CMYA5: variants seen among roughly 807,000 people sequenced by gnomAD.
CMYA5 encodes the protein cardiomyopathy-associated protein 5.
CMYA5 carries 246 observed loss-of-function variants against 318.9 expected under a neutral mutation model. That is an observed-to-expected ratio of 0.77 (90% confidence interval 0.70 to 0.86). CMYA5 has a LOEUF of 0.86. CMYA5 is among the 40% of genes least tolerant of loss of function. The pLI, the probability that CMYA5 is intolerant of heterozygous loss-of-function variation, is 0.00. For synonymous variants in CMYA5, 1,641 were observed against 1,729.5 expected, an observed-to-expected ratio of 0.95 and a Z score of 1.27; for missense variants, 4,589 against 4,678.2, an observed-to-expected ratio of 0.98 and a Z score of 0.56.
At chr5:79,762,024 A>T in intron 8 of CMYA5, 67 bp downstream of exon 8, 5 of 1,498,778 alleles carry the variant, frequency 3.3e-6, no homozygotes, top group Non-Finnish European at 4.5e-6. Context: ...TCTTGAGATC[A>T]GCCAGTAAGT....
chr5:79,799,864 CTAAATT>C lies in CMYA5; in HGVS notation c.*249_*254del. 5.0e-6 allele frequency: 1 copy of C among 199,850 alleles called. No homozygotes were observed. The highest frequency in any genetic ancestry group is 9.2e-6 in the Non-Finnish European group (1 of 108,244). The allele number at this position is 199,850 out of a possible 1,614,324, so 12.4% of individuals were successfully genotyped here. A position where few individuals can be genotyped will look rare whatever the true frequency, so the allele number is the denominator to read the frequency against. On this transcript the variant is annotated 3_prime_UTR_variant, in exon 13 of 13. Transcript: ENST00000446378. ...AGTTTATATAAGTTTGAGTTCTTTC[CTAAATT>C]AAAAGATCTACACTTGAGTTGGGAA...
intron 1 of CMYA5, among the ~76,000 whole-genome samples, chr5:79,719,166 A>G (rs1827573059): frequency 6.6e-6 from 1 of 152,192 alleles, no homozygotes; most frequent in African/African-American, 2.4e-5. Context: ...AAATGTGGGA[A>G]ACTATTATTT....
chr5:79,736,143 T>C lies in CMYA5; in HGVS notation c.7378T>C (p.Leu2460=). 1.9e-6 allele frequency: 3 copies of C among 1,613,650 alleles called. No individual in the cohort carries two copies. Among genetic ancestry groups the C allele is most frequent in the Non-Finnish European group, 2.5e-6 (3 of 1,179,732 alleles). ...TAGTCCAACTGAGAAGAAAGATAAT[T>C]TGGAAAACAGATCATATACCTTGGC... is the stretch of plus-strand genomic sequence containing the variant. ...SVSPTEKKDN[L]ENRSYTLAEK... The change falls in exon 2 of 13, where the codon TTG becomes CTG. Residue 2460 remains leucine (L), a synonymous_variant. Transcript: ENST00000446378.
Position 79,735,445 on chromosome 5 carries a change from T to C in CMYA5, c.6680T>C (p.Phe2227Ser), listed in dbSNP as rs200662839. 9.9e-5 allele frequency: 159 copies of C among 1,613,860 alleles called. No individual in the cohort carries two copies. The African/African-American group carries it at 1.8e-3, about 18-fold the overall frequency. The change falls in exon 2 of 13, where the codon TTT (phenylalanine) becomes TCT (serine). Residue 2227 changes from phenylalanine (F) to serine (S), a missense_variant. Physicochemically the swap from Phe to Ser is radical, Grantham distance 155. Transcript: ENST00000446378. ...CCTGAAGGTACAATTCCCACCAATTTTAATGTAGCTGAGAAACCAGCTGAT... is the reference window on the plus strand; with the variant it reads ...CCTGAAGGTACAATTCCCACCAATTCTAATGTAGCTGAGAAACCAGCTGAT... Reference protein sequence around the residue: ...IDPEGTIPTNFNVAEKPADHS... With the variant: ...IDPEGTIPTNSNVAEKPADHS...
In CMYA5 at chr5:79,736,831, T is replaced by C; in HGVS notation, c.8066T>C (p.Ile2689Thr). The C allele has an allele frequency of 6.2e-7, 1 of 1,610,800 alleles. No homozygotes were observed. The highest frequency in any genetic ancestry group is 8.5e-7 in the Non-Finnish European group (1 of 1,179,476). The change falls in exon 2 of 13, where the codon ATC (isoleucine) becomes ACC (threonine). Residue 2689 changes from isoleucine to threonine, a missense_variant. Ile to Thr is a moderately conservative substitution (Grantham distance 89). Transcript: ENST00000446378. ...CTATCGAAAGGCGGTTCAGTAGATA[T>C]CACAAAAGAAACTGTGAAACAAGGA... ...SELSKGGSVD[I>T]TKETVKQGFQ... is the part of the protein sequence containing the mutation.
intron 1 of CMYA5, among the ~76,000 whole-genome samples, chr5:79,698,291 T>C (rs939789025): frequency 3.4e-5 from 5 of 144,946 alleles, no homozygotes; most frequent in South Asian, 2.2e-4. Flanking sequence ...TCAGGTTACA[T>C]TGCATTAAAA....
chr5:79,710,394 C>T (rs1827367069), intron 1 of CMYA5, among the ~76,000 whole-genome samples: 1 of 151,936 alleles, frequency 6.6e-6, no homozygotes, highest in Admixed American at 6.6e-5. Context: ...TTGAGGTCCT[C>T]AATAATTTTT....
At position 79,791,047 on chromosome 5, in the gene CMYA5, G is replaced by A. The variant is rs368590078; in HGVS notation, c.11767G>A (p.Gly3923Ser). The A allele has an allele frequency of 6.2e-7, 1 of 1,613,424 alleles. No homozygotes were observed. The highest frequency in any genetic ancestry group is 8.5e-7 in the Non-Finnish European group (1 of 1,179,588). ...ISSSGTVISF[G>S]ERRRLTEIPS... is the part of the protein sequence containing the mutation. ...CTCAAGTGGGACAGTGATCAGCTTT[G>A]GTGAGAGGAGACGGCTGACGGAGTA... is the stretch of plus-strand genomic sequence containing the variant. The change falls in exon 11 of 13, where the codon GGT (glycine) becomes AGT (serine). Residue 3923 changes from glycine (G) to serine (S), a missense_variant. Transcript: ENST00000446378.
In CMYA5 at chr5:79,729,637, G is replaced by C. The variant is rs535302669; in HGVS notation, c.872G>C (p.Ser291Thr). ...AAAACACGCAAATTAGTAGCCCAAA[G>C]CATAGAGGATAAAGTAAAAGAGGTT... Reference protein sequence around the residue: ...VSKTRKLVAQSIEDKVKEVFP... With the variant: ...VSKTRKLVAQTIEDKVKEVFP... The change falls in exon 2 of 13, where the codon AGC (serine) becomes ACC (threonine). Residue 291 changes from serine to threonine, a missense_variant. Physicochemically the swap from Ser to Thr is moderately conservative, Grantham distance 58. Coordinates refer to ENST00000446378, the MANE Select transcript of CMYA5 (RefSeq NM_153610.5). The C allele has an allele frequency of 6.2e-7, 1 of 1,613,872 alleles. No individual in the cohort carries two copies. The highest frequency in any genetic ancestry group is 8.5e-7 in the Non-Finnish European group (1 of 1,179,862).
chr5:79,731,962 C>T lies in CMYA5; in HGVS notation c.3197C>T (p.Ala1066Val). Residue 1066 changes from alanine (A) to valine (V), a missense_variant, in exon 2 of 13, where the codon GCT (alanine) becomes GTT (valine). This residue lies in a region of CMYA5 where 2,132 missense variants were observed against 2,131.3 expected (regional missense o/e 1.00). Transcript: ENST00000446378. ...TTCAGTTCATCACAGAAGCAAAAAG[C>T]TGAAACTTTCCCTTTGATGTCTCCG... ...EQFSSSQKQK[A>V]ETFPLMSPLE... The T allele has an allele frequency of 6.2e-7, 1 of 1,613,456 alleles. No homozygotes were observed. The highest frequency in any genetic ancestry group is 8.5e-7 in the Non-Finnish European group (1 of 1,179,740).
chr5:79,740,158 C>T (rs1427507942), intron 2 of CMYA5, among the ~76,000 whole-genome samples: 1 of 151,952 alleles, frequency 6.6e-6, no homozygotes, highest in African/African-American at 2.4e-5. Context: ...AAATACTATG[C>T]CATTTTATAT....
At position 79,731,974 on chromosome 5, in the gene CMYA5, C is replaced by T; in HGVS notation, c.3209C>T (p.Pro1070Leu). 3 of 1,613,698 alleles carry T rather than the reference C, an allele frequency of 1.9e-6. No individual in the cohort carries two copies. The highest frequency in any genetic ancestry group is 2.5e-6 in the Non-Finnish European group (3 of 1,179,820). Residue 1070 changes from proline to leucine, a missense_variant, in exon 2 of 13, where the codon CCT becomes CTT. By Grantham distance (98) the Pro-to-Leu change is moderately conservative. Around this residue, in one of 3 missense-constraint regions of CMYA5, gnomAD observed 2,132 missense variants for 2,131.3 expected, o/e 1.00. Coordinates refer to ENST00000446378, the MANE Select transcript of CMYA5 (RefSeq NM_153610.5). ...SSQKQKAETF[P>L]LMSPLEDLSL... The stretch of plus-strand genomic sequence containing the variant: ...CAGAAGCAAAAAGCTGAAACTTTCC[C>T]TTTGATGTCTCCGCTTGAAGACTTA...
Position 79,791,044 on chromosome 5 carries a change from T to A in CMYA5, c.11764T>A (p.Phe3922Ile). 6.2e-7 allele frequency: 1 copy of A among 1,613,698 alleles called. No individual in the cohort carries two copies. Among genetic ancestry groups the A allele is most frequent in the Admixed American group, 1.7e-5 (1 of 60,008 alleles). ...TTCCTCAAGTGGGACAGTGATCAGC[T>A]TTGGTGAGAGGAGACGGCTGACGGA... ...HISSSGTVIS[F>I]GERRRLTEIP... Residue 3922 changes from phenylalanine (F) to isoleucine (I), a missense_variant, in exon 11 of 13, where the codon TTT (phenylalanine) becomes ATT (isoleucine). Transcript: ENST00000446378.
At chr5:79,696,771 C>G (rs763272410) in intron 1 of CMYA5, among the ~76,000 whole-genome samples, 13 of 152,046 alleles carry the variant, frequency 8.6e-5, no homozygotes, top group Admixed American at 3.9e-4. Context: ...TTAGGGAGGC[C>G]GAGACGGGCA....
chr5:79,748,730 G>T (rs1222966956), intron 5 of CMYA5, among the ~76,000 whole-genome samples: 1 of 152,004 alleles, frequency 6.6e-6, no homozygotes, highest in African/African-American at 2.4e-5. Context: ...TTTTAGTACA[G>T]ATGGAGTTTT....
chr5:79,743,973 A>G, intron 3 of CMYA5, 51 bp downstream of exon 3: 2 of 910,760 alleles, frequency 2.2e-6, no homozygotes, highest in Admixed American at 5.5e-5. Context: ...ACAGTATCAG[A>G]AGTAAATGAT....
At chr5:79,720,342 G>A (rs544722736) in intron 1 of CMYA5, among the ~76,000 whole-genome samples, 110 of 151,494 alleles carry the variant, frequency 7.3e-4, no homozygotes, top group African/African-American at 2.5e-3. Context: ...TACACTGACA[G>A]CCAACTTATC....
At chr5:79,777,707 G>A (rs1255452292) in intron 9 of CMYA5, among the ~76,000 whole-genome samples, 2 of 152,018 alleles carry the variant, frequency 1.3e-5, no homozygotes, top group East Asian at 3.9e-4. Context: ...CTCAGGAGGC[G>A]GAGGTTTCAG....
At chr5:79,743,955 G>C in intron 3 of CMYA5, 33 bp downstream of exon 3, 3 of 1,120,498 alleles carry the variant, frequency 2.7e-6, no homozygotes, top group Non-Finnish European at 3.9e-6. Context: ...CCTTAACCTG[G>C]CTTGTTCACA....
Sources: allele counts gnomAD v4.1 joint callset (sites outside exome capture counted in the v4.1 genomes callset), GRCh38; gene constraint gnomAD v4.1.1; regional missense constraint gnomAD v4.1.1; transcripts MANE v1.5; gene names NCBI Gene and HGNC (gene_info 2026-07-23, HGNC 2026-07-21).